The following CACHD1 variants were observed in gnomAD, a reference collection of about 807,000 sequenced individuals.
CACHD1 encodes cache domain containing 1, also known as VWFA and cache domain-containing protein 1.
In CACHD1, 71 loss-of-function variants were observed where a neutral mutation model predicts 138.7. The ratio of observed to expected loss-of-function variants is 0.51; its 90% CI spans 0.42 to 0.62. The LOEUF is 0.62. Ranked by LOEUF, CACHD1 falls within the 20% of genes least tolerant of loss-of-function variation. The pLI is 0.00. For synonymous variants in CACHD1, 578 were observed against 591.5 expected, an observed-to-expected ratio of 0.98 and a Z score of 0.33; for missense variants, 1,389 against 1,625.3, an observed-to-expected ratio of 0.85 and a Z score of 2.50.
At chr1:64,548,908 T>TTAATGTATGTATG (rs1553132006) in intron 1 of CACHD1, among the ~76,000 whole-genome samples, 9 of 152,320 alleles carry the variant, frequency 5.9e-5, no homozygotes, top group Admixed American at 5.9e-4. Flanking sequence ...GCAGCATCTT[T>TTAATGTATGTATG]TAATGTATGT....
intron 2 of CACHD1, among the ~76,000 whole-genome samples, chr1:64,573,632 A>G (rs1425188180): frequency 6.6e-6 from 1 of 152,188 alleles, no homozygotes; most frequent in Middle Eastern, 3.2e-3. Context: ...TCTTTCCAAT[A>G]TGGCAAATAA....
intron 1 of CACHD1, among the ~76,000 whole-genome samples, chr1:64,504,014 C>T (rs1570310897): frequency 2.6e-5 from 4 of 152,136 alleles, no homozygotes; most frequent in African/African-American, 7.2e-5. Flanking sequence ...AATGGAGATG[C>T]ACATGAAAAG....
At chr1:64,516,671 C>T (rs1646461839) in intron 1 of CACHD1, among the ~76,000 whole-genome samples, 1 of 152,194 alleles carries the variant, frequency 6.6e-6, no homozygotes, top group South Asian at 2.1e-4. Context: ...CACACATTGA[C>T]CTCAGAGCTG....
At chr1:64,513,943 A>G (rs1280673603) in intron 1 of CACHD1, among the ~76,000 whole-genome samples, 2 of 152,226 alleles carry the variant, frequency 1.3e-5, no homozygotes, top group Non-Finnish European at 2.9e-5. Flanking sequence ...CAAACAAAAC[A>G]CCTATGCAGG....
intron 4 of CACHD1, among the ~76,000 whole-genome samples, chr1:64,608,061 A>T (rs530721566): frequency 3.7e-4 from 56 of 152,122 alleles, no homozygotes; most frequent in Non-Finnish European, 6.2e-4. Context: ...GAATATAAAG[A>T]CCAGATCTTG....
At chr1:64,682,671 G>A (rs1570481498) in intron 26 of CACHD1, among the ~76,000 whole-genome samples, 1 of 152,196 alleles carries the variant, frequency 6.6e-6, no homozygotes, top group East Asian at 1.9e-4. Flanking sequence ...AAGATGCTCA[G>A]GAAGGGTCAA....
At chr1:64,635,251 G>A (rs944467342) in intron 7 of CACHD1, among the ~76,000 whole-genome samples, 2 of 152,102 alleles carry the variant, frequency 1.3e-5, no homozygotes, top group Non-Finnish European at 2.9e-5. Context: ...GACTTGGAGT[G>A]GAAGTCTGCT....
intron 23 of CACHD1, 38 bp from the exon 24 acceptor site, chr1:64,679,557 A>G: frequency 6.2e-7 from 1 of 1,609,570 alleles, no homozygotes; most frequent in Non-Finnish European, 8.5e-7. Context: ...CACTTGGGAA[A>G]TCTTAACAAG....
At chr1:64,553,259 T>G (rs1026841841) in intron 2 of CACHD1, among the ~76,000 whole-genome samples, 2 of 152,238 alleles carry the variant, frequency 1.3e-5, no homozygotes, top group Admixed American at 1.3e-4. Flanking sequence ...ATGGGTTGAA[T>G]TGAACACGGG....
intron 1 of CACHD1, among the ~76,000 whole-genome samples, chr1:64,525,181 G>T (rs570916510): frequency 6.6e-6 from 1 of 152,090 alleles, no homozygotes; most frequent in Admixed American, 6.5e-5. Flanking sequence ...TAATTCTTCT[G>T]AAGCTCCTAG....
At chr1:64,537,370 C>T (rs1292159518) in intron 1 of CACHD1, among the ~76,000 whole-genome samples, 1 of 152,120 alleles carries the variant, frequency 6.6e-6, no homozygotes, top group Non-Finnish European at 1.5e-5. Context: ...TTGGCGTGTG[C>T]GTCCAAAACC....
At chr1:64,610,352 C>T (rs939630098) in intron 4 of CACHD1, among the ~76,000 whole-genome samples, 6 of 152,170 alleles carry the variant, frequency 3.9e-5, no homozygotes, top group Admixed American at 1.3e-4. Flanking sequence ...TCCAAGTCCA[C>T]AGTCTCATCT....
intron 26 of CACHD1, among the ~76,000 whole-genome samples, chr1:64,689,097 A>G (rs1393673657): frequency 6.6e-6 from 1 of 151,572 alleles, no homozygotes; most frequent in East Asian, 1.9e-4. Flanking sequence ...CCAAGAAGGC[A>G]CTCAGTCATG....
intron 16 of CACHD1, among the ~76,000 whole-genome samples, chr1:64,670,517 C>G (rs77086586): frequency 6.6e-6 from 1 of 152,060 alleles, no homozygotes. Flanking sequence ...ATGGGGAGTT[C>G]GTTGGTCAAG....
chr1:64,606,213 T>G (rs1647335125), intron 4 of CACHD1, among the ~76,000 whole-genome samples: 1 of 151,884 alleles, frequency 6.6e-6, no homozygotes, highest in Admixed American at 6.6e-5. Flanking sequence ...AGATGATGAA[T>G]GCTATCAAGG....
chr1:64,516,435 G>A (rs1265090837), intron 1 of CACHD1, among the ~76,000 whole-genome samples: 2 of 152,170 alleles, frequency 1.3e-5, no homozygotes, highest in Non-Finnish European at 2.9e-5. Context: ...ACCAGCTTAC[G>A]GTGTTCATAA....
At chr1:64,509,656 A>G (rs1646404081) in intron 1 of CACHD1, among the ~76,000 whole-genome samples, 1 of 152,196 alleles carries the variant, frequency 6.6e-6, no homozygotes, top group Non-Finnish European at 1.5e-5. Flanking sequence ...CCAAGGATAG[A>G]AGGAAAACAC....
At chr1:64,560,030 CAAG>C (rs755423912) in intron 2 of CACHD1, among the ~76,000 whole-genome samples, 15 of 152,000 alleles carry the variant, frequency 9.9e-5, no homozygotes, top group Non-Finnish European at 1.9e-4. Flanking sequence ...TATCTATCAG[CAAG>C]AAGAAGAGCA....
chr1:64,652,112 C>T lies in CACHD1; in HGVS notation c.1391-49C>T, dbSNP rs769356551. 21 of 1,506,494 alleles carry T rather than the reference C, an allele frequency of 1.4e-5. No homozygotes were observed. The African/African-American group carries it at 2.3e-4, about 16-fold the overall frequency. The allele number at this position is 1,506,494 out of a possible 1,614,324, so 93.3% of individuals were successfully genotyped here. A position where few individuals can be genotyped will look rare whatever the true frequency, so the allele number is the denominator to read the frequency against. Reference sequence around the variant, plus strand: ...CCGGAGCACAGTTCCAGTCTTTGTCCAATTCCTTCTCTGCTGGTCTTTAGA... The same window carrying T: ...CCGGAGCACAGTTCCAGTCTTTGTCTAATTCCTTCTCTGCTGGTCTTTAGA... On this transcript the variant is annotated intron_variant, in intron 9 of 26. Transcript: ENST00000651257.
Sources: gnomAD v4.1 joint callset for allele counts (sites outside exome capture counted in the v4.1 genomes callset) on GRCh38, gnomAD v4.1.1 for gene constraint, MANE v1.5 for transcripts, NCBI Gene and HGNC (gene_info 2026-07-23, HGNC 2026-07-21) for gene names.